CDH12: variants seen among roughly 807,000 people sequenced by gnomAD.
The protein encoded by CDH12 is cadherin-12.
In CDH12, 41 loss-of-function variants were observed where a neutral mutation model predicts 74.1. The observed-to-expected ratio is 0.55, with a 90% confidence interval of 0.43 to 0.72. CDH12 has a LOEUF of 0.72. CDH12 is among the 30% of genes least tolerant of loss of function. CDH12 has a pLI of 0.00. For missense variants in CDH12, 945 were observed against 977.2 expected, an observed-to-expected ratio of 0.97 and a Z score of 0.44; for synonymous variants, 399 against 355.0, an observed-to-expected ratio of 1.12 and a Z score of -1.39.
chr5:22,654,497 C>A (rs1375401327), intron 1 of CDH12, among the ~76,000 whole-genome samples: 1 of 151,960 alleles, frequency 6.6e-6, no homozygotes, highest in Non-Finnish European at 1.5e-5. Context: ...ACAATGTTAG[C>A]CAGGCTGGTC....
intron 5 of CDH12, among the ~76,000 whole-genome samples, chr5:22,074,624 A>T (rs1320712609): frequency 6.6e-6 from 1 of 152,180 alleles, no homozygotes; most frequent in African/African-American, 2.4e-5. Flanking sequence ...CAAGAAAACA[A>T]CAACCCCATC....
chr5:21,924,884 T>C (rs138099273), intron 6 of CDH12, among the ~76,000 whole-genome samples: 59 of 152,326 alleles, frequency 3.9e-4, no homozygotes, highest in African/African-American at 1.3e-3. Context: ...AATAACTATA[T>C]TATTTGAGAT....
chr5:22,044,410 T>G (rs1739789198), intron 5 of CDH12, among the ~76,000 whole-genome samples: 1 of 152,106 alleles, frequency 6.6e-6, no homozygotes, highest in South Asian at 2.1e-4. Flanking sequence ...AAGTGAGGCA[T>G]GTCTTACATG....
At chr5:22,543,460 C>T (rs1738189048) in intron 1 of CDH12, among the ~76,000 whole-genome samples, 1 of 152,072 alleles carries the variant, frequency 6.6e-6, no homozygotes, top group Non-Finnish European at 1.5e-5. Context: ...ATATCATTTA[C>T]TCTAATAGTA....
At chr5:22,087,618 G>A (rs1442808537) in intron 4 of CDH12, among the ~76,000 whole-genome samples, 1 of 152,028 alleles carries the variant, frequency 6.6e-6, no homozygotes, top group Non-Finnish European at 1.5e-5. Flanking sequence ...TCCAGCCTGG[G>A]TGACAGAGTG....
intron 6 of CDH12, among the ~76,000 whole-genome samples, chr5:21,872,350 C>T (rs1019479344): frequency 6.6e-6 from 1 of 152,154 alleles, no homozygotes; most frequent in Admixed American, 6.5e-5. Flanking sequence ...TAAGTGAATC[C>T]ATTTTTATGA....
At chr5:22,826,898 A>T (rs1042780283) in intron 1 of CDH12, among the ~76,000 whole-genome samples, 1 of 152,244 alleles carries the variant, frequency 6.6e-6, no homozygotes, top group African/African-American at 2.4e-5. Context: ...CTGACAATGC[A>T]ATAGTAAAGA....
At chr5:22,776,336 G>T (rs1299160353) in intron 1 of CDH12, among the ~76,000 whole-genome samples, 1 of 152,094 alleles carries the variant, frequency 6.6e-6, no homozygotes, top group Non-Finnish European at 1.5e-5. Flanking sequence ...ACGATGTTTA[G>T]CACCTACTAC....
At chr5:22,194,446 C>T (rs1283858975) in intron 4 of CDH12, among the ~76,000 whole-genome samples, 1 of 151,900 alleles carries the variant, frequency 6.6e-6, no homozygotes, top group East Asian at 1.9e-4. Flanking sequence ...ATTCTCCTGC[C>T]TCAGCCTCCT....
chr5:22,094,856 T>G (rs1561103516), intron 4 of CDH12, among the ~76,000 whole-genome samples: 1 of 152,154 alleles, frequency 6.6e-6, no homozygotes, highest in African/African-American at 2.4e-5. Flanking sequence ...CTGAGCACCT[T>G]GTGACCCCCA....
At chr5:22,597,562 T>C (rs575541623) in intron 1 of CDH12, among the ~76,000 whole-genome samples, 15 of 152,330 alleles carry the variant, frequency 9.8e-5, no homozygotes, top group East Asian at 3.9e-4. Flanking sequence ...ACTCAAAAGA[T>C]TGATTATCTT....
intron 3 of CDH12, among the ~76,000 whole-genome samples, chr5:22,378,445 G>C (rs1335723768): frequency 1.3e-5 from 2 of 152,112 alleles, no homozygotes; most frequent in East Asian, 3.9e-4. Flanking sequence ...AAGCATAGTG[G>C]ACGTATATAA....
intron 3 of CDH12, among the ~76,000 whole-genome samples, chr5:22,267,505 T>C (rs1736178745): frequency 6.6e-6 from 1 of 152,180 alleles, no homozygotes. Flanking sequence ...ATTGCAGACA[T>C]TTTGTGGTGA....
intron 12 of CDH12, among the ~76,000 whole-genome samples, chr5:21,764,510 A>G (rs1744901358): frequency 6.7e-6 from 1 of 149,750 alleles, no homozygotes; most frequent in African/African-American, 2.5e-5. Flanking sequence ...TTAGCTGGGC[A>G]TGGTGGCGCA....
At chr5:22,369,900 A>C (rs1741202858) in intron 3 of CDH12, among the ~76,000 whole-genome samples, 1 of 152,198 alleles carries the variant, frequency 6.6e-6, no homozygotes, top group Non-Finnish European at 1.5e-5. Flanking sequence ...TTTGTGATCA[A>C]TCACATTTTT....
chr5:22,052,020 ATTTTC>A (rs1462171853), intron 5 of CDH12, among the ~76,000 whole-genome samples: 10 of 152,106 alleles, frequency 6.6e-5, no homozygotes, highest in African/African-American at 2.2e-4. Context: ...TACATGAAAT[ATTTTC>A]TTTTAACTGC....
chr5:22,123,103 G>C (rs1745621147), intron 4 of CDH12, among the ~76,000 whole-genome samples: 1 of 152,154 alleles, frequency 6.6e-6, no homozygotes, highest in Non-Finnish European at 1.5e-5. Context: ...TTGATACATT[G>C]ATATCCTAAC....
chr5:22,213,267 G>T (rs990637752), intron 3 of CDH12, among the ~76,000 whole-genome samples: 1 of 151,952 alleles, frequency 6.6e-6, no homozygotes, highest in East Asian at 1.9e-4. Context: ...TACTAAATAA[G>T]CATATTTGGC....
intron 6 of CDH12, among the ~76,000 whole-genome samples, chr5:21,880,627 CTTTCTTTCTTTCTTTCTT>C (rs1416066604): frequency 1.4e-5 from 1 of 69,854 alleles, no homozygotes; most frequent in African/African-American, 5.3e-5. Flanking sequence ...TTCTTTCTTT[CTTTCTTTCTTTCTTTCTT>C]TCTTTCTTTC....
Sources: allele counts gnomAD v4.1 joint callset (sites outside exome capture counted in the v4.1 genomes callset), GRCh38; gene constraint gnomAD v4.1.1; transcripts MANE v1.5; gene names NCBI Gene and HGNC (gene_info 2026-07-23, HGNC 2026-07-21).